Variants in CPLANE1 observed in about 807,000 individuals in gnomAD.
CPLANE1 encodes the protein ciliogenesis and planar polarity effector complex subunit 1.
Under a neutral mutation model 362.5 loss-of-function variants are expected in CPLANE1, and 263 were observed. That is an observed-to-expected ratio of 0.73 (90% CI 0.66 to 0.80). The LOEUF (loss-of-function observed/expected upper bound fraction) is 0.80. CPLANE1 is among the 30% of genes least tolerant of loss of function. The probability of loss-of-function intolerance (pLI) is 0.00; values close to 1 mark genes in which losing one functional copy is unlikely to be tolerated. For synonymous variants in CPLANE1, 1,212 were observed against 1,302.6 expected, an observed-to-expected ratio of 0.93 and a Z score of 1.50; for missense variants, 3,461 against 3,793.4, an observed-to-expected ratio of 0.91 and a Z score of 2.30.
rs1774479857 is a variant in CPLANE1, at chr5:37,154,466, T to C, written c.8120-473A>G. On this transcript the variant is annotated intron_variant, in intron 41 of 52. Transcript: ENST00000651892. Reference sequence around the variant, plus strand: ...CCCAAATTTGCAATAGTTCTTTTTTTTTTTTTTTTTTTTTTTTAAGAGATA... The same window carrying C: ...CCCAAATTTGCAATAGTTCTTTTTTCTTTTTTTTTTTTTTTTTAAGAGATA... Among the ~76,000 whole-genome samples, 2 of 140,646 alleles carry C rather than the reference T, an allele frequency of 1.4e-5. 1 individual carries two copies. The highest frequency in any genetic ancestry group is 4.4e-4 in the South Asian group (2 of 4,544). 92.3% of individuals were successfully genotyped at this position (140,646 alleles called of 152,430 possible).
intron 42 of CPLANE1, among the ~76,000 whole-genome samples, chr5:37,150,734 T>C (rs573046959): frequency 1.3e-5 from 2 of 152,348 alleles, no homozygotes; most frequent in Admixed American, 6.5e-5. Flanking sequence ...GGATATTTAG[T>C]GGATCTCAAA....
At position 37,221,457 on chromosome 5, in the gene CPLANE1, G is replaced by C. The variant is rs1057521941; in HGVS notation, c.2613C>G (p.Arg871=). The C allele has an allele frequency of 1.3e-6, 2 of 1,509,816 alleles. No individual in the cohort carries two copies. The highest frequency in any genetic ancestry group is 5.0e-5 in the Admixed American group (2 of 39,872). 93.5% of individuals were successfully genotyped at this position (1,509,816 alleles called of 1,614,324 possible). ...GGRRTYFLQI[R]YYLSLLYCHL... ...GGCAGTATAAGAGAGAAAGATAATA[G>C]CGTATCTGAAGAAAATACGTCCTTC... Residue 871 remains arginine (R), a synonymous_variant, in exon 15 of 53, where the codon CGC becomes CGG. Coordinates refer to ENST00000651892, the MANE Select transcript of CPLANE1 (RefSeq NM_001384732.1).
At chr5:37,177,541 T>A in intron 30 of CPLANE1, 80 bp downstream of exon 30, 1 of 990,328 alleles carries the variant, frequency 1.0e-6, no homozygotes, top group East Asian at 2.4e-5. Context: ...AATCATGTAT[T>A]GTAAATTATG....
intron 18 of CPLANE1, among the ~76,000 whole-genome samples, chr5:37,202,069 G>A (rs1173416495): frequency 6.6e-6 from 1 of 151,538 alleles, no homozygotes; most frequent in Admixed American, 6.6e-5. Context: ...GTAGTTCTGA[G>A]TCAAAAATAA....
intron 43 of CPLANE1, among the ~76,000 whole-genome samples, chr5:37,147,921 C>T (rs559475250): frequency 2.3e-4 from 32 of 140,860 alleles, no homozygotes; most frequent in African/African-American, 8.7e-4. Context: ...GAGCTCCAGG[C>T]CACACTTGCC....
intron 39 of CPLANE1, 132 bp from the exon 40 acceptor site, chr5:37,158,000 C>A: frequency 1.4e-6 from 1 of 737,710 alleles, no homozygotes; most frequent in South Asian, 2.3e-5. Flanking sequence ...GAAAGAAGGG[C>A]CTGAATGTGC....
rs1780765826 is a variant in CPLANE1 at position 37,174,993 on chromosome 5, A to G, written c.5978+916T>C. Among the ~76,000 whole-genome samples the G allele has an allele frequency of 3.3e-5, 5 of 152,158 alleles. No individual in the cohort carries two copies. The South Asian group carries it at 1.0e-3, about 32-fold the overall frequency. ...GGGAGTTAGTTGCCCAGTGACAGGG[A>G]TCTGGAATCTAAAGAGTAAGCGGAG... On this transcript the variant is annotated intron_variant, in intron 31 of 52. Coordinates refer to ENST00000651892, the MANE Select transcript of CPLANE1 (RefSeq NM_001384732.1).
In CPLANE1 at chr5:37,153,901, A is replaced by G. The variant is rs2150622398; in HGVS notation, c.8212T>C (p.Ser2738Pro). 1 of 1,614,136 alleles carries G rather than the reference A, an allele frequency of 6.2e-7. No individual in the cohort carries two copies. The highest frequency in any genetic ancestry group is 1.6e-4 in the Middle Eastern group (1 of 6,062). Residue 2738 changes from serine (S) to proline (P), a missense_variant, in exon 42 of 53, where the codon TCT becomes CCT. Transcript: ENST00000651892. ...GAGCTTGGTGCAGGGCAAGCTGCAG[A>G]GACACCTTGCAGCCGTTTCCACAAT... Reference protein sequence around the residue: ...YLLWKRLQGVSAACPAPSSAA... With the variant: ...YLLWKRLQGVPAACPAPSSAA...
chr5:37,219,235 A>C (rs1224967976), intron 15 of CPLANE1, among the ~76,000 whole-genome samples: 1 of 152,080 alleles, frequency 6.6e-6, no homozygotes, highest in Non-Finnish European at 1.5e-5. Context: ...ATTTTTAAAA[A>C]TTAGCCACGC....
chr5:37,151,076 C>T (rs777296386), intron 42 of CPLANE1, among the ~76,000 whole-genome samples: 1 of 152,060 alleles, frequency 6.6e-6, no homozygotes, highest in African/African-American at 2.4e-5. Context: ...GGAGAAAATC[C>T]CAATCGCTTG....
rs1253543807 is a variant in CPLANE1 at position 37,198,751 on chromosome 5, G to A, written c.3623C>T (p.Ala1208Val). The A allele has an allele frequency of 6.2e-6, 10 of 1,613,956 alleles. No homozygotes were observed. The highest frequency in any genetic ancestry group is 7.6e-6 in the Non-Finnish European group (9 of 1,180,026). ...FRAAQCSFPVAQWYILQLRWA... is the reference protein window; with the variant it reads ...FRAAQCSFPVVQWYILQLRWA... ...CCTCAACTGCAATATATACCACTGT[G>A]CTACAGGAAAAGAACACTGAGCCGC... Residue 1208 changes from alanine to valine, a missense_variant, in exon 20 of 53, where the codon GCA becomes GTA. Ala to Val is a moderately conservative substitution (Grantham distance 64). Transcript: ENST00000651892.
intron 19 of CPLANE1, 61 bp downstream of exon 19, chr5:37,201,530 A>T: frequency 1.5e-6 from 2 of 1,377,856 alleles, no homozygotes; most frequent in Non-Finnish European, 2.0e-6. Context: ...CAAGTTAATT[A>T]TTTTAAAAAC....
At chr5:37,158,070 G>T in intron 39 of CPLANE1, 154 bp downstream of exon 39, 1 of 902,850 alleles carries the variant, frequency 1.1e-6, no homozygotes, top group Non-Finnish European at 1.6e-6. Flanking sequence ...AATATTTTTG[G>T]CATAATGCTT....
At chr5:37,248,861 C>A (rs1039503494) in intron 1 of CPLANE1, among the ~76,000 whole-genome samples, 1 of 152,206 alleles carries the variant, frequency 6.6e-6, no homozygotes, top group African/African-American at 2.4e-5. Context: ...ATCCATTAGT[C>A]AATCTTAAAA....
intron 52 of CPLANE1, 37 bp from the exon 53 acceptor site, chr5:37,107,815 T>TA: frequency 5.3e-6 from 8 of 1,503,586 alleles, no homozygotes; most frequent in Non-Finnish European, 7.1e-6. Context: ...TCCTAGCCCC[T>TA]AAAAACAAAC....
chr5:37,078,251 G>A, the CPLANE1 span, among the ~76,000 whole-genome samples: 25 of 152,134 alleles, frequency 1.6e-4, no homozygotes, highest in Non-Finnish European at 2.9e-5. Flanking sequence ...ATGTGTCCAT[G>A]TGTTCTCACC....
At chr5:37,121,590 C>A (rs1289385198) in intron 49 of CPLANE1, 27 bp downstream of exon 49, 1 of 1,609,626 alleles carries the variant, frequency 6.2e-7, no homozygotes, top group Non-Finnish European at 8.5e-7. Context: ...GTTATCTTGC[C>A]AAATGGCATG....
intron 34 of CPLANE1, among the ~76,000 whole-genome samples, chr5:37,167,920 T>C (rs973032204): frequency 1.3e-5 from 2 of 152,208 alleles, no homozygotes; most frequent in South Asian, 2.1e-4. Flanking sequence ...TGAAAATCCC[T>C]GAAGCCTTGG....
chr5:37,225,713 G>A (rs948437606), intron 12 of CPLANE1, among the ~76,000 whole-genome samples: 6 of 152,046 alleles, frequency 3.9e-5, no homozygotes, highest in Non-Finnish European at 5.9e-5. Context: ...TTAGCCAAGC[G>A]TGGTGGCAGG....
Sources: gnomAD v4.1 joint callset for allele counts (sites outside exome capture counted in the v4.1 genomes callset) on GRCh38, gnomAD v4.1.1 for gene constraint, MANE v1.5 for transcripts, NCBI Gene and HGNC (gene_info 2026-07-23, HGNC 2026-07-21) for gene names.